Variants in SMCHD1 observed in about 807,000 individuals in gnomAD.
SMCHD1 encodes structural maintenance of chromosomes flexible hinge domain containing 1.
In SMCHD1, 78 loss-of-function variants were observed where a neutral mutation model predicts 254.7. The ratio of observed to expected loss-of-function variants is 0.31; its 90% CI spans 0.26 to 0.37. The LOEUF (loss-of-function observed/expected upper bound fraction) is 0.37, where lower values mean the gene tolerates loss of function less well. Among genes scored for constraint, SMCHD1 ranks in the 10% least tolerant of loss-of-function variants. The pLI, the probability that SMCHD1 is intolerant of heterozygous loss-of-function variation, is 1.00. For missense variants in SMCHD1, 1,840 were observed against 2,408.1 expected (o/e 0.76, Z 4.94); for synonymous variants, 766 against 794.9 (o/e 0.96, Z 0.61).
intron 3 of SMCHD1, 61 bp from the exon 4 acceptor site, chr18:2,673,220 A>G (rs2073658823): frequency 7.4e-6 from 11 of 1,485,544 alleles, no homozygotes; most frequent in Non-Finnish European, 4.5e-6. Context: ...TTCTTCTTTG[A>G]ACTTTTATAT....
intron 1 of SMCHD1, among the ~76,000 whole-genome samples, chr18:2,665,562 G>A (rs527611018): frequency 2.6e-5 from 4 of 152,130 alleles, no homozygotes; most frequent in African/African-American, 4.8e-5. Flanking sequence ...CTTGTGATCC[G>A]ACGGCCTCAG....
At chr18:2,730,499 T>C (rs1165980138) in intron 24 of SMCHD1, among the ~76,000 whole-genome samples, 1 of 152,114 alleles carries the variant, frequency 6.6e-6, no homozygotes, top group Non-Finnish European at 1.5e-5. Flanking sequence ...CATGTGCCAG[T>C]AGGATGCTTT....
In SMCHD1 at chr18:2,762,227, T is replaced by C; in HGVS notation, c.4557T>C (p.Leu1519=). 6.2e-7 allele frequency: 1 copy of C among 1,613,452 alleles called. No homozygotes were observed. The highest frequency in any genetic ancestry group is 8.5e-7 in the Non-Finnish European group (1 of 1,179,572). Residue 1519 remains leucine (L), a synonymous_variant, in exon 36 of 48, where the codon CTT becomes CTC. Transcript: ENST00000320876. ...GGACCTTGGTCAGAGATCTACATCT[T>C]AGTATCACGGTAATGTTTATTTTCT... ...ASRTLVRDLH[L]SITDDYDNHT... is the part of the protein sequence containing the mutation.
Position 2,662,183 on chromosome 18 carries a change from AT to A in SMCHD1, c.187-3973del, listed in dbSNP as rs1219618338. 7.7e-3 allele frequency among the ~76,000 whole-genome samples: 720 copies of A among 93,336 alleles called. 28 individuals carry two copies. The highest frequency in any genetic ancestry group is 0.011 in the Middle Eastern group (2 of 178). 61.2% of individuals were successfully genotyped at this position (93,336 alleles called of 152,430 possible). ...TCCGTCTCAAAAAAAAAAAAATAAAATAAATAAATAAATAAATAAAGAAAGA... is the reference window on the plus strand; with the variant it reads ...TCCGTCTCAAAAAAAAAAAAATAAAAAAATAAATAAATAAATAAAGAAAGA... On this transcript the variant is annotated intron_variant, in intron 1 of 47. Coordinates refer to ENST00000320876, the MANE Select transcript of SMCHD1 (RefSeq NM_015295.3).
In SMCHD1 at chr18:2,679,954, T is replaced by C. The variant is rs78016299; in HGVS notation, c.638+5809T>C. Among the ~76,000 whole-genome samples, 23 of 152,292 alleles carry C rather than the reference T, an allele frequency of 1.5e-4. No individual in the cohort carries two copies. The East Asian group carries it at 4.2e-3, about 28-fold the overall frequency. ...AGCCTACCTTCAAGTTTATGGATTC[T>C]TCTGCCAACCCAAATCTGCTCATGA... is the stretch of plus-strand genomic sequence containing the variant. On this transcript the variant is annotated intron_variant, in intron 5 of 47. Coordinates refer to ENST00000320876, the MANE Select transcript of SMCHD1 (RefSeq NM_015295.3).
chr18:2,734,142 A>G (rs2075200493), intron 25 of SMCHD1, among the ~76,000 whole-genome samples: 1 of 152,102 alleles, frequency 6.6e-6, no homozygotes. Context: ...TCCCCTTCAT[A>G]ATGAGGGAAG....
intron 34 of SMCHD1, 48 bp from the exon 35 acceptor site, chr18:2,760,604 C>T: frequency 9.7e-7 from 1 of 1,029,766 alleles, no homozygotes; most frequent in Non-Finnish European, 1.5e-6. Context: ...AATTCCTTCC[C>T]CCTTTATACA....
At position 2,705,685 on chromosome 18, in the gene SMCHD1, A is replaced by C; in HGVS notation, c.1843-9A>C. On this transcript the variant is annotated splice_polypyrimidine_tract_variant and intron_variant, in intron 13 of 47. Transcript: ENST00000320876. ...GAAGCTTTTTTTTTTTTTAAAAACT[A>C]AATATTAGGTCAAGACAATCAAGAC... 7.4e-7 allele frequency: 1 copy of C among 1,342,412 alleles called. No individual in the cohort carries two copies. Among genetic ancestry groups the C allele is most frequent in the Non-Finnish European group, 1.0e-6 (1 of 974,052 alleles). The allele number at this position is 1,342,412 out of a possible 1,614,324, so 83.2% of individuals were successfully genotyped here.
intron 5 of SMCHD1, among the ~76,000 whole-genome samples, chr18:2,680,862 A>G (rs1328743466): frequency 6.6e-6 from 1 of 152,132 alleles, no homozygotes; most frequent in Non-Finnish European, 1.5e-5. Flanking sequence ...CATTACTTTC[A>G]TCAGTGAGTG....
At chr18:2,667,760 A>G (rs182258947) in intron 3 of SMCHD1, among the ~76,000 whole-genome samples, 13 of 152,312 alleles carry the variant, frequency 8.5e-5, no homozygotes, top group South Asian at 2.1e-4. Context: ...ATGGTTTTAT[A>G]TGGTGCATAC....
chr18:2,800,233 G>A (rs1337170697), intron 47 of SMCHD1, among the ~76,000 whole-genome samples: 1 of 151,920 alleles, frequency 6.6e-6, no homozygotes, highest in African/African-American at 2.4e-5. Context: ...AAATAAAAAG[G>A]ACGGAACAGA....
At chr18:2,725,367 G>A (rs2075007014) in intron 21 of SMCHD1, among the ~76,000 whole-genome samples, 2 of 149,472 alleles carry the variant, frequency 1.3e-5, no homozygotes, top group Non-Finnish European at 3.0e-5. Flanking sequence ...GAACAAAAAT[G>A]ACAATTAGAA....
chr18:2,729,308 G>A lies in SMCHD1; in HGVS notation c.2947G>A (p.Val983Ile). 1 of 1,552,506 alleles carries A rather than the reference G, an allele frequency of 6.4e-7. No homozygotes were observed. The highest frequency in any genetic ancestry group is 8.7e-7 in the Non-Finnish European group (1 of 1,150,104). ...SGAPNLPVYV[V>I]DCSSSGTSIL... is the part of the protein sequence containing the mutation. Reference sequence around the variant, plus strand: ...TGCTCCAAACCTTCCAGTCTATGTTGTAGATTGCAGTAGTTCTGGAACCAG... The same window carrying A: ...TGCTCCAAACCTTCCAGTCTATGTTATAGATTGCAGTAGTTCTGGAACCAG... Residue 983 changes from valine to isoleucine, a missense_variant, in exon 24 of 48, where the codon GTA becomes ATA. Coordinates refer to ENST00000320876, the MANE Select transcript of SMCHD1 (RefSeq NM_015295.3).
At chr18:2,716,184 T>G (rs2074795133) in intron 17 of SMCHD1, among the ~76,000 whole-genome samples, 1 of 152,188 alleles carries the variant, frequency 6.6e-6, no homozygotes, top group African/African-American at 2.4e-5. Flanking sequence ...ATAGCCTTAG[T>G]GTGGTGGCTT....
intron 24 of SMCHD1, 62 bp downstream of exon 24, chr18:2,729,471 G>A: frequency 2.5e-6 from 3 of 1,220,518 alleles, no homozygotes; most frequent in Non-Finnish European, 3.2e-6. Context: ...GTCTTCAACT[G>A]CTTAATAACA....
Position 2,694,669 on chromosome 18 carries a change from T to A in SMCHD1, c.1016T>A (p.Phe339Tyr), listed in dbSNP as rs1478524816. 6.2e-7 allele frequency: 1 copy of A among 1,612,258 alleles called. No homozygotes were observed. Among genetic ancestry groups the A allele is most frequent in the Non-Finnish European group, 8.5e-7 (1 of 1,179,482 alleles). The part of the protein sequence containing the change: ...PEHIQYLKNY[F>Y]HLWTRQLAHI... ...CACATACAGTACTTGAAAAATTATT[T>A]CCACCTTTGGACACGACAGTTAGCG... Residue 339 changes from phenylalanine (F) to tyrosine (Y), a missense_variant, in exon 8 of 48, where the codon TTC (phenylalanine) becomes TAC (tyrosine). This residue lies in a region of SMCHD1 where 498 missense variants were observed against 743.5 expected (regional missense o/e 0.67). Coordinates refer to ENST00000320876, the MANE Select transcript of SMCHD1 (RefSeq NM_015295.3).
intron 34 of SMCHD1, among the ~76,000 whole-genome samples, chr18:2,758,910 T>G (rs773250120): frequency 1.1e-4 from 17 of 152,178 alleles, no homozygotes; most frequent in Non-Finnish European, 2.2e-4. Flanking sequence ...CTTCAGTTTT[T>G]AAAAATTTTG....
chr18:2,663,175 G>A (rs2073343149), intron 1 of SMCHD1, among the ~76,000 whole-genome samples: 1 of 152,204 alleles, frequency 6.6e-6, no homozygotes, highest in African/African-American at 2.4e-5. Flanking sequence ...GTGTGATCAC[G>A]GCTCACTGCA....
In SMCHD1 at chr18:2,707,900, A is replaced by G; in HGVS notation, c.2240A>G (p.Glu747Gly). The change falls in exon 17 of 48, where the codon GAG (glutamate) becomes GGG (glycine). Residue 747 changes from glutamate (E) to glycine (G), a missense_variant. Glu to Gly is a moderately conservative substitution (Grantham distance 98). Transcript: ENST00000320876. ...GGAGGGTCAAAGAAACTCCTGGTTG[A>G]GCTCAAAGTTATTTTACATTGTAAG... ...SHGGSKKLLV[E>G]LKVILHSSSG... 6.3e-7 allele frequency: 1 copy of G among 1,598,196 alleles called. No individual in the cohort carries two copies. The highest frequency in any genetic ancestry group is 8.5e-7 in the Non-Finnish European group (1 of 1,172,304).
Sources: gnomAD v4.1 joint callset for allele counts (sites outside exome capture counted in the v4.1 genomes callset) on GRCh38, gnomAD v4.1.1 for gene constraint, gnomAD v4.1.1 regional missense constraint, MANE v1.5 for transcripts, NCBI Gene and HGNC (gene_info 2026-07-23, HGNC 2026-07-21) for gene names.